The following GABRB2 variants were observed in gnomAD, a reference collection of about 807,000 sequenced individuals.
GABRB2 encodes gamma-aminobutyric acid receptor subunit beta-2.
GABRB2 carries 16 observed loss-of-function variants against 54.7 expected under a neutral mutation model. The ratio of observed to expected loss-of-function variants is 0.29; its 90% CI spans 0.20 to 0.44. The LOEUF (loss-of-function observed/expected upper bound fraction) is 0.44. GABRB2 is among the 20% of genes least tolerant of loss of function. The pLI is 1.00. For synonymous variants in GABRB2, 244 were observed against 233.8 expected (o/e 1.04, Z -0.40); for missense variants, 355 against 644.0 (o/e 0.55, Z 4.86).
intron 3 of GABRB2, among the ~76,000 whole-genome samples, chr5:161,491,886 G>A (rs1241125014): frequency 6.6e-6 from 1 of 151,638 alleles, no homozygotes. Context: ...ACCAAAATGA[G>A]TAACAAGAGG....
chr5:161,432,842 C>T (rs1049360416), intron 4 of GABRB2, among the ~76,000 whole-genome samples: 23 of 151,978 alleles, frequency 1.5e-4, no homozygotes. Flanking sequence ...CTGGCTTTGC[C>T]TGTTTTTGTA....
intron 5 of GABRB2, among the ~76,000 whole-genome samples, chr5:161,376,477 C>A (rs1300588499): frequency 1.3e-5 from 2 of 151,930 alleles, no homozygotes; most frequent in African/African-American, 2.4e-5. Flanking sequence ...GAAAAAAATG[C>A]CTTTTTCCTA....
intron 3 of GABRB2, among the ~76,000 whole-genome samples, chr5:161,468,815 A>T (rs905106152): frequency 2.0e-5 from 3 of 151,958 alleles, no homozygotes; most frequent in African/African-American, 7.2e-5. Context: ...AGACCCCCAA[A>T]AAACTTACTG....
chr5:161,546,485 A>T, intron 1 of GABRB2, 72 bp from the exon 2 acceptor site: 1 of 1,568,250 alleles, frequency 6.4e-7, no homozygotes. Flanking sequence ...TCGGATCCCT[A>T]CTACATTTCC....
chr5:161,544,884 C>G (rs1760927207), intron 3 of GABRB2, among the ~76,000 whole-genome samples: 1 of 152,104 alleles, frequency 6.6e-6, no homozygotes, highest in South Asian at 2.1e-4. Context: ...CTTCCCATGA[C>G]CCCACATCAA....
chr5:161,536,562 C>T (rs1760642627), intron 3 of GABRB2, among the ~76,000 whole-genome samples: 1 of 152,092 alleles, frequency 6.6e-6, no homozygotes. Context: ...GTCCTGCTAC[C>T]CACTTTGTAT....
chr5:161,365,919 G>A (rs1754958596), intron 5 of GABRB2, among the ~76,000 whole-genome samples: 1 of 151,794 alleles, frequency 6.6e-6, no homozygotes, highest in South Asian at 2.1e-4. Flanking sequence ...TTCTTTCTCT[G>A]AAATTTGACT....
chr5:161,547,450 C>T (rs1051578458), upstream of GABRB2, among the ~76,000 whole-genome samples: 2 of 152,108 alleles, frequency 1.3e-5, no homozygotes, highest in African/African-American at 4.8e-5. Flanking sequence ...TCACTACTCA[C>T]GAGCGATTTC....
intron 3 of GABRB2, among the ~76,000 whole-genome samples, chr5:161,542,948 A>C (rs1361326801): frequency 1.3e-5 from 2 of 152,260 alleles, no homozygotes; most frequent in African/African-American, 4.8e-5. Context: ...TCATCTTTAA[A>C]AAATAAAACA....
At chr5:161,439,497 C>T (rs1367879414) in intron 4 of GABRB2, among the ~76,000 whole-genome samples, 1 of 151,984 alleles carries the variant, frequency 6.6e-6, no homozygotes, top group Non-Finnish European at 1.5e-5. Flanking sequence ...CAAAGAAAAA[C>T]ACAGAATAGT....
chr5:161,375,391 G>T (rs952380441), intron 5 of GABRB2, among the ~76,000 whole-genome samples: 4 of 152,174 alleles, frequency 2.6e-5, no homozygotes, highest in African/African-American at 9.7e-5. Flanking sequence ...TCCCTTCAAG[G>T]AGTAATCAGG....
chr5:161,351,139 A>G (rs1048363412), intron 5 of GABRB2, among the ~76,000 whole-genome samples: 18 of 152,286 alleles, frequency 1.2e-4, no homozygotes, highest in African/African-American at 3.6e-4. Flanking sequence ...CATATTACAC[A>G]TTAAATGCAC....
At chr5:161,316,823 G>A (rs1196688343) in intron 9 of GABRB2, among the ~76,000 whole-genome samples, 1 of 152,094 alleles carries the variant, frequency 6.6e-6, no homozygotes, top group Admixed American at 6.6e-5. Context: ...CGTTGTCCAG[G>A]CTAGTCTTGA....
Position 161,463,556 on chromosome 5 carries a change from T to TAG in GABRB2, c.238-3713_238-3712insCT, listed in dbSNP as rs1491382248. On this transcript the variant is annotated intron_variant, in intron 3 of 9. Transcript: ENST00000393959. ...CAAGGTGATTCCAAATATTTTTATT[T>TAG]ATATATATATATATATATATATATA... Among the ~76,000 whole-genome samples, 300 of 40,906 alleles carry TAG rather than the reference T, an allele frequency of 7.3e-3. 9 individuals carry two copies. The highest frequency in any genetic ancestry group is 0.024 in the African/African-American group (279 of 11,786). 26.8% of individuals were successfully genotyped at this position (40,906 alleles called of 152,430 possible).
chr5:161,452,451 A>G (rs1434920899), intron 4 of GABRB2, among the ~76,000 whole-genome samples: 1 of 152,204 alleles, frequency 6.6e-6, no homozygotes, highest in Non-Finnish European at 1.5e-5. Context: ...TTGAAACCCA[A>G]TAAATATCCT....
At position 161,290,726 on chromosome 5, in the gene GABRB2, A is replaced by C. The variant is rs1757215223; in HGVS notation, c.*3355T>G. The C allele has an allele frequency of 6.6e-6, 1 of 152,572 alleles. No homozygotes were observed. Among genetic ancestry groups the C allele is most frequent in the Non-Finnish European group, 1.5e-5 (1 of 68,004 alleles). The allele number at this position is 152,572 out of a possible 1,614,324, so 9.5% of individuals were successfully genotyped here. A position where few individuals can be genotyped will look rare whatever the true frequency, so the allele number is the denominator to read the frequency against. ...TTGCCATTTTTCTTGTTGAGTATGA[A>C]GGTAATCATTAAACTGGAACACGGT... On this transcript the variant is annotated 3_prime_UTR_variant, in exon 10 of 10. Coordinates refer to ENST00000393959, the MANE Select transcript of GABRB2 (RefSeq NM_001371727.1).
chr5:161,381,346 A>AC (rs1755460894), intron 5 of GABRB2, among the ~76,000 whole-genome samples: 1 of 152,200 alleles, frequency 6.6e-6, no homozygotes, highest in Non-Finnish European at 1.5e-5. Flanking sequence ...CACTACCATC[A>AC]CATCCTTATA....
At chr5:161,443,785 G>A (rs1757531683) in intron 4 of GABRB2, among the ~76,000 whole-genome samples, 1 of 152,134 alleles carries the variant, frequency 6.6e-6, no homozygotes, top group Non-Finnish European at 1.5e-5. Flanking sequence ...TCAAGTAAGG[G>A]CCAGACATGT....
At chr5:161,530,518 T>A (rs1316062798) in intron 3 of GABRB2, among the ~76,000 whole-genome samples, 3 of 152,070 alleles carry the variant, frequency 2.0e-5, no homozygotes, top group Non-Finnish European at 2.9e-5. Flanking sequence ...CAGAGGGATA[T>A]ATTTGCCAGG....
Sources: gnomAD v4.1 joint callset for allele counts (sites outside exome capture counted in the v4.1 genomes callset) on GRCh38, gnomAD v4.1.1 for gene constraint, MANE v1.5 for transcripts, NCBI Gene and HGNC (gene_info 2026-07-23, HGNC 2026-07-21) for gene names.